The following MYO7A variants were observed in gnomAD, a reference collection of about 807,000 sequenced individuals.
MYO7A encodes the protein unconventional myosin-VIIa.
Under a neutral mutation model 263.8 loss-of-function variants are expected in MYO7A, and 210 were observed. The ratio of observed to expected loss-of-function variants is 0.80; its 90% confidence interval spans 0.71 to 0.89. The LOEUF (loss-of-function observed/expected upper bound fraction) is 0.89, where lower values mean the gene tolerates loss of function less well. Among genes scored for constraint, MYO7A ranks in the 40% least tolerant of loss-of-function variants. The pLI, the probability that MYO7A is intolerant of heterozygous loss-of-function variation, is 0.00. For missense variants in MYO7A, 2,820 were observed against 2,968.3 expected, an observed-to-expected ratio of 0.95 and a Z score of 1.16; for synonymous variants, 1,239 against 1,197.3, an observed-to-expected ratio of 1.03 and a Z score of -0.72.
In MYO7A at chr11:77,156,710, T is replaced by C. The variant is rs1241078667; in HGVS notation, c.521T>C (p.Phe174Ser). 2 of 1,613,812 alleles carry C rather than the reference T, an allele frequency of 1.2e-6. No individual in the cohort carries two copies. The highest frequency in any genetic ancestry group is 1.7e-6 in the Non-Finnish European group (2 of 1,179,884). ...GAGAGCACAAAGCTGATCCTGCAGT[T>C]CCTGGCAGCCATCAGTGGGCAGCAC... ...KTESTKLILQFLAAISGQHSW... is the reference protein window; with the variant it reads ...KTESTKLILQSLAAISGQHSW... The change falls in exon 6 of 49, where the codon TTC (phenylalanine) becomes TCC (serine). Residue 174 changes from phenylalanine to serine, a missense_variant. Physicochemically the swap from Phe to Ser is radical, Grantham distance 155. Coordinates refer to ENST00000409709, the MANE Select transcript of MYO7A (RefSeq NM_000260.4).
intron 14 of MYO7A, among the ~76,000 whole-genome samples, chr11:77,165,306 C>G (rs1451624000): frequency 6.6e-6 from 1 of 152,160 alleles, no homozygotes; most frequent in African/African-American, 2.4e-5. Flanking sequence ...CCTTGGACAC[C>G]CCGTCTCTTG....
rs1316729957 is a variant in MYO7A, at chr11:77,162,414, G to A, written c.1554+84G>A. 224 of 1,313,044 alleles carry A rather than the reference G, an allele frequency of 1.7e-4. 26 individuals are homozygous for A. The highest frequency in any genetic ancestry group is 2.1e-6 in the Non-Finnish European group (2 of 936,210). The allele number at this position is 1,313,044 out of a possible 1,614,324, so 81.3% of individuals were successfully genotyped here. ...CTTTGAGCCCCGGCTTTCCTCATCTGCAAAATAGGACTAATGATACCCACC... is the reference window on the plus strand; with the variant it reads ...CTTTGAGCCCCGGCTTTCCTCATCTACAAAATAGGACTAATGATACCCACC... On this transcript the variant is annotated intron_variant, in intron 13 of 48. Coordinates refer to ENST00000409709, the MANE Select transcript of MYO7A (RefSeq NM_000260.4).
At chr11:77,142,579 G>A (rs782309265) in intron 2 of MYO7A, 130 bp from the exon 3 acceptor site, 16 of 789,508 alleles carry the variant, frequency 2.0e-5, no homozygotes, top group Middle Eastern at 2.2e-4. Flanking sequence ...GTAAGTGTGA[G>A]TCCCCTTCTC....
At chr11:77,141,528 A>C (rs1951210535) in intron 2 of MYO7A, among the ~76,000 whole-genome samples, 1 of 151,218 alleles carries the variant, frequency 6.6e-6, no homozygotes, top group South Asian at 2.1e-4. Flanking sequence ...TACCACCCAA[A>C]AAAGAATACT....
At chr11:77,141,659 G>T (rs1199774869) in intron 2 of MYO7A, among the ~76,000 whole-genome samples, 2 of 152,202 alleles carry the variant, frequency 1.3e-5, no homozygotes, top group Non-Finnish European at 2.9e-5. Context: ...CCTCCTGGCT[G>T]TTCCTTTCTG....
intron 16 of MYO7A, 47 bp from the exon 17 acceptor site, chr11:77,174,709 C>G (rs1413352728): frequency 1.3e-6 from 2 of 1,535,264 alleles, no homozygotes; most frequent in African/African-American, 2.7e-5. Flanking sequence ...AGGGCTGCCT[C>G]CCAGCAGGAG....
chr11:77,176,865 C>T (rs1488511868), intron 18 of MYO7A, among the ~76,000 whole-genome samples: 2 of 152,082 alleles, frequency 1.3e-5, no homozygotes, highest in Non-Finnish European at 2.9e-5. Flanking sequence ...ACAGTGCCAG[C>T]ACATGGAGGT....
intron 2 of MYO7A, among the ~76,000 whole-genome samples, chr11:77,139,022 A>G (rs552564612): frequency 6.6e-6 from 1 of 150,754 alleles, no homozygotes; most frequent in Non-Finnish European, 1.5e-5. Flanking sequence ...GGGAATTATT[A>G]ATATTGGCTC....
At chr11:77,188,540 C>T (rs1158975777) in intron 27 of MYO7A, among the ~76,000 whole-genome samples, 1 of 151,044 alleles carries the variant, frequency 6.6e-6, no homozygotes, top group Non-Finnish European at 1.5e-5. Flanking sequence ...CTGGCGGACA[C>T]TGCATCGTCA....
At chr11:77,153,501 G>C (rs1260049047) in intron 4 of MYO7A, among the ~76,000 whole-genome samples, 5 of 152,066 alleles carry the variant, frequency 3.3e-5, no homozygotes, top group Non-Finnish European at 7.4e-5. Flanking sequence ...AGAAAGCCTG[G>C]CCCCAGCCCT....
At chr11:77,145,294 A>C (rs935681526) in intron 3 of MYO7A, among the ~76,000 whole-genome samples, 5 of 152,202 alleles carry the variant, frequency 3.3e-5, no homozygotes, top group Non-Finnish European at 1.5e-5. Flanking sequence ...ACAAAGATGG[A>C]TGTCGTGATC....
chr11:77,156,578 G>A lies in MYO7A; in HGVS notation c.471-82G>A, dbSNP rs1952474557. ...GATATTACAGATGGGGGAGCTGGTG[G>A]ATGGTGCAGCCTGGGCTGAGTTCCA... On this transcript the variant is annotated intron_variant, in intron 5 of 48. Coordinates refer to ENST00000409709, the MANE Select transcript of MYO7A (RefSeq NM_000260.4). 1.1e-5 allele frequency: 18 copies of A among 1,579,752 alleles called. 1 individual carries two copies. The highest frequency in any genetic ancestry group is 1.7e-5 in the Admixed American group (1 of 59,402).
chr11:77,192,980 G>GGTGATGGTGGAGGTGGTGATGGTGTTGT (rs1565442820), intron 31 of MYO7A, among the ~76,000 whole-genome samples: 5 of 31,022 alleles, frequency 1.6e-4, no homozygotes, highest in African/African-American at 1.4e-3. Flanking sequence ...GGAGGTAGTT[G>GGTGATGGTGGAGGTGGTGATGGTGTTGT]TGATGGTGGA....
chr11:77,184,770 G>T, intron 27 of MYO7A, 55 bp downstream of exon 27: 1 of 1,577,666 alleles, frequency 6.3e-7, no homozygotes. Context: ...GTGGCTGAGT[G>T]GTGCCTCTGT....
At chr11:77,151,465 C>A (rs1447335203) in intron 4 of MYO7A, among the ~76,000 whole-genome samples, 2 of 152,116 alleles carry the variant, frequency 1.3e-5, no homozygotes, top group African/African-American at 4.8e-5. Flanking sequence ...CTAACGAAGT[C>A]CCCAGAGCCG....
intron 14 of MYO7A, among the ~76,000 whole-genome samples, chr11:77,163,430 A>G (rs532536147): frequency 2.0e-5 from 3 of 152,322 alleles, no homozygotes; most frequent in African/African-American, 7.2e-5. Context: ...TGTAGAGTGT[A>G]GTTATACACC....
chr11:77,207,234 G>A (rs1324963341), intron 41 of MYO7A, 55 bp from the exon 42 acceptor site: 2 of 1,310,758 alleles, frequency 1.5e-6, no homozygotes, highest in East Asian at 2.5e-5. Context: ...GGGCCCGGGA[G>A]GACCAGGTCC....
At chr11:77,182,322 C>G in intron 24 of MYO7A, 102 bp from the exon 25 acceptor site, 3 of 1,445,280 alleles carry the variant, frequency 2.1e-6, no homozygotes, top group Non-Finnish European at 2.8e-6. Flanking sequence ...GCTGACCATG[C>G]GGGAGGGGGT....
intron 19 of MYO7A, 83 bp from the exon 20 acceptor site, chr11:77,178,962 C>A: frequency 9.3e-7 from 1 of 1,077,616 alleles, no homozygotes; most frequent in Non-Finnish European, 1.4e-6. Flanking sequence ...AGCTGGGACT[C>A]AGCGTGCCCT....
Sources: gnomAD v4.1 joint callset for allele counts (sites outside exome capture counted in the v4.1 genomes callset) on GRCh38, gnomAD v4.1.1 for gene constraint, MANE v1.5 for transcripts, NCBI Gene and HGNC (gene_info 2026-07-23, HGNC 2026-07-21) for gene names.